The following LIMD1 variants were observed in gnomAD, a reference collection of about 807,000 sequenced individuals.
The protein encoded by LIMD1 is LIM domain containing 1, also known as LIM domain-containing protein 1.
In LIMD1, 23 loss-of-function variants were observed where a neutral mutation model predicts 58.4. The ratio of observed to expected loss-of-function variants is 0.39; its 90% CI spans 0.28 to 0.56. The LOEUF (loss-of-function observed/expected upper bound fraction) is 0.56, where lower values mean the gene tolerates loss of function less well. Ranked by LOEUF, LIMD1 falls within the 20% of genes least tolerant of loss-of-function variation. The pLI is 0.57. For synonymous variants in LIMD1, 334 were observed against 345.5 expected (o/e 0.97, Z 0.37); for missense variants, 838 against 855.5 (o/e 0.98, Z 0.25).
Position 45,654,274 on chromosome 3 carries a change from CAG to C in LIMD1, c.1511-11375_1511-11374del, listed in dbSNP as rs148950368. 2.7e-3 allele frequency among the ~76,000 whole-genome samples: 418 copies of C among 152,256 alleles called. 11 individuals are homozygous for C. In the East Asian group the frequency reaches 0.051, roughly 18 times the overall value. ...GGGAAACCCTTGCATTTTTACTTCT[CAG>C]GGAGATATTTTGGAACTGAAATTTG... On this transcript the variant is annotated intron_variant, in intron 2 of 7. Coordinates refer to ENST00000273317, the MANE Select transcript of LIMD1 (RefSeq NM_014240.3).
Position 45,595,899 on chromosome 3 carries a change from G to C in LIMD1, c.1020G>C (p.Gly340=), listed in dbSNP as rs760835637. The change falls in exon 1 of 8, where the codon GGG becomes GGC. Residue 340 remains glycine (G), a synonymous_variant. Coordinates refer to ENST00000273317, the MANE Select transcript of LIMD1 (RefSeq NM_014240.3). ...ACCCCCAACCCTGGTTCCAGGATGG[G>C]CCCAAATCTTACCTTTCCAGTTCTG... The part of the protein sequence containing the change: ...NVDPQPWFQD[G]PKSYLSSSAP... 6.2e-7 allele frequency: 1 copy of C among 1,614,208 alleles called. No homozygotes were observed. The highest frequency in any genetic ancestry group is 1.3e-5 in the African/African-American group (1 of 75,044).
At chr3:45,617,798 C>T (rs928688527) in intron 1 of LIMD1, among the ~76,000 whole-genome samples, 2 of 151,966 alleles carry the variant, frequency 1.3e-5, no homozygotes, top group African/African-American at 2.4e-5. Flanking sequence ...TGCTGGGGAG[C>T]GGGAGGACGG....
chr3:45,640,829 G>C (rs1025405132), intron 2 of LIMD1, among the ~76,000 whole-genome samples: 1 of 152,178 alleles, frequency 6.6e-6, no homozygotes, highest in African/African-American at 2.4e-5. Context: ...ATGAGGATTC[G>C]GATTTTGTCA....
At chr3:45,656,144 A>T (rs149787441) in intron 2 of LIMD1, among the ~76,000 whole-genome samples, 36 of 152,312 alleles carry the variant, frequency 2.4e-4, no homozygotes, top group African/African-American at 8.7e-4. Context: ...CAGGAACTGG[A>T]TCCTCACCAA....
Position 45,680,205 on chromosome 3 carries a change from C to T in LIMD1, c.*3146C>T, listed in dbSNP as rs983595152. 1 of 152,224 alleles carries T rather than the reference C, an allele frequency of 6.6e-6. No individual in the cohort carries two copies. Among genetic ancestry groups the T allele is most frequent in the Non-Finnish European group, 1.5e-5 (1 of 68,076 alleles). 9.4% of individuals were successfully genotyped at this position (152,224 alleles called of 1,614,324 possible). A position where few individuals can be genotyped will look rare whatever the true frequency, so the allele number is the denominator to read the frequency against. ...TGTGAAAGTAGAGCTGTGATGGCTG[C>T]TGGGACGCTTGCAAAGATCATGTGT... On this transcript the variant is annotated 3_prime_UTR_variant, in exon 8 of 8. Coordinates refer to ENST00000273317, the MANE Select transcript of LIMD1 (RefSeq NM_014240.3).
intron 1 of LIMD1, among the ~76,000 whole-genome samples, chr3:45,616,115 CTT>C (rs1024684236): frequency 1.3e-5 from 2 of 152,240 alleles, no homozygotes; most frequent in Non-Finnish European, 2.9e-5. Context: ...TTCTGGGAGA[CTT>C]GTGTCACCCC....
chr3:45,616,521 T>C (rs1701577742), intron 1 of LIMD1, among the ~76,000 whole-genome samples: 1 of 152,042 alleles, frequency 6.6e-6, no homozygotes, highest in South Asian at 2.1e-4. Context: ...GGAGCCAAAG[T>C]CCTGAAAGTA....
At position 45,682,775 on chromosome 3, in the gene LIMD1, G is replaced by T. The variant is rs1432379471; in HGVS notation, c.*5716G>T. 1 of 152,272 alleles carries T rather than the reference G, an allele frequency of 6.6e-6. No homozygotes were observed. Among genetic ancestry groups the T allele is most frequent in the Non-Finnish European group, 1.5e-5 (1 of 68,084 alleles). The allele number at this position is 152,272 out of a possible 1,614,324, so 9.4% of individuals were successfully genotyped here. A position where few individuals can be genotyped will look rare whatever the true frequency, so the allele number is the denominator to read the frequency against. On this transcript the variant is annotated 3_prime_UTR_variant, in exon 8 of 8. Transcript: ENST00000273317. The stretch of plus-strand genomic sequence containing the variant: ...TCCATCAGTATACTTCTTCATCAAA[G>T]CTACATAGTCAAAAAGCCACAGGAG...
intron 6 of LIMD1, chr3:45,673,886 CAA>C (rs753659549): frequency 5.7e-4 from 109 of 192,318 alleles, no homozygotes; most frequent in Middle Eastern, 3.7e-3. Context: ...ACCTTGTCTC[CAA>C]AAAAAAAAAA....
chr3:45,595,077 G>A lies in LIMD1; in HGVS notation c.198G>A (p.Gln66=), dbSNP rs1701329734. 1 of 1,613,588 alleles carries A rather than the reference G, an allele frequency of 6.2e-7. No homozygotes were observed. Among genetic ancestry groups the A allele is most frequent in the East Asian group, 2.2e-5 (1 of 44,870 alleles). The change falls in exon 1 of 8, where the codon CAG becomes CAA. Residue 66 remains glutamine (Q), a synonymous_variant. Coordinates refer to ENST00000273317, the MANE Select transcript of LIMD1 (RefSeq NM_014240.3). ...HLQQQQQQLL[Q]EETLPRGSRG... is the part of the protein sequence containing the mutation. ...AGCAGCAGCAGCAGCAGCTCCTGCAGGAGGAGACTCTGCCCAGGGGGAGTA... is the reference window on the plus strand; with the variant it reads ...AGCAGCAGCAGCAGCAGCTCCTGCAAGAGGAGACTCTGCCCAGGGGGAGTA...
chr3:45,596,366 A>G, intron 1 of LIMD1, 79 bp downstream of exon 1: 1 of 1,178,068 alleles, frequency 8.5e-7, no homozygotes, highest in Non-Finnish European at 1.2e-6. Flanking sequence ...CCTACCAGGG[A>G]TGCTGTGGGC....
Position 45,596,312 on chromosome 3 carries a change from C to T in LIMD1, c.1408+25C>T, listed in dbSNP as rs577476535. The T allele has an allele frequency of 8.4e-6, 13 of 1,552,520 alleles. No homozygotes were observed. The East Asian group carries it at 2.5e-4, about 30-fold the overall frequency. On this transcript the variant is annotated intron_variant, in intron 1 of 7. Transcript: ENST00000273317. ...GGTGAGTGAGAGGCTGGTGGAGTTG[C>T]CTATGGTGGGGCGATGGGGTTCTTG... is the stretch of plus-strand genomic sequence containing the variant.
chr3:45,665,601 A>G (rs369230777), intron 2 of LIMD1, 49 bp from the exon 3 acceptor site: 7 of 1,458,614 alleles, frequency 4.8e-6, no homozygotes, highest in Non-Finnish European at 9.6e-7. Context: ...TTTCCACTGC[A>G]TATTAAAATT....
chr3:45,664,614 G>A (rs1263398164), intron 2 of LIMD1, among the ~76,000 whole-genome samples: 2 of 152,120 alleles, frequency 1.3e-5, no homozygotes, highest in Non-Finnish European at 2.9e-5. Context: ...TGCCTTTTCC[G>A]CTGCGTTGAT....
At position 45,596,124 on chromosome 3, in the gene LIMD1, A is replaced by G; in HGVS notation, c.1245A>G (p.Gly415=). The stretch of plus-strand genomic sequence containing the variant: ...GCTGGTCTTCTGATGGTAGCCTGGG[A>G]TCTGTGCTCCTGGACAGCCCCAGCT... The part of the protein sequence containing the change: ...PLGWSSDGSL[G]SVLLDSPSSP... Residue 415 remains glycine (G), a synonymous_variant, in exon 1 of 8, where the codon GGA becomes GGG. Transcript: ENST00000273317. 1 of 1,614,178 alleles carries G rather than the reference A, an allele frequency of 6.2e-7. No individual in the cohort carries two copies. The highest frequency in any genetic ancestry group is 8.5e-7 in the Non-Finnish European group (1 of 1,180,032).
intron 2 of LIMD1, among the ~76,000 whole-genome samples, chr3:45,642,468 C>T (rs1321465490): frequency 6.6e-6 from 1 of 152,244 alleles, no homozygotes; most frequent in African/African-American, 2.4e-5. Flanking sequence ...TGAGCCACCA[C>T]ATCTGGCTGC....
At chr3:45,645,777 C>G (rs1441909831) in intron 2 of LIMD1, among the ~76,000 whole-genome samples, 1 of 152,136 alleles carries the variant, frequency 6.6e-6, no homozygotes, top group Admixed American at 6.5e-5. Context: ...TCATGTGTCT[C>G]TCAGCTCTTC....
intron 1 of LIMD1, among the ~76,000 whole-genome samples, chr3:45,633,065 C>A (rs1342430209): frequency 6.6e-6 from 1 of 152,198 alleles, no homozygotes; most frequent in Non-Finnish European, 1.5e-5. Flanking sequence ...ATATAAAAAT[C>A]ATTAGACAGA....
chr3:45,643,757 C>T (rs542313548), intron 2 of LIMD1, among the ~76,000 whole-genome samples: 10 of 152,334 alleles, frequency 6.6e-5, no homozygotes, highest in African/African-American at 2.2e-4. Flanking sequence ...GCCAGTCCCA[C>T]AGTTGACAGA....
Sources: gnomAD v4.1 joint callset for allele counts (sites outside exome capture counted in the v4.1 genomes callset) on GRCh38, gnomAD v4.1.1 for gene constraint, MANE v1.5 for transcripts, NCBI Gene and HGNC (gene_info 2026-07-23, HGNC 2026-07-21) for gene names.